TXLNB: variants seen among roughly 807,000 people sequenced by gnomAD.
The protein encoded by TXLNB is taxilin beta.
TXLNB carries 37 observed loss-of-function variants against 57.4 expected under a neutral mutation model. That is an observed-to-expected ratio of 0.64 (90% confidence interval 0.50 to 0.85). TXLNB has a LOEUF of 0.85. Among genes scored for constraint, TXLNB ranks in the 40% least tolerant of loss-of-function variants. The pLI is 0.00. For missense variants in TXLNB, 848 were observed against 825.6 expected (o/e 1.03, Z -0.33); for synonymous variants, 302 against 309.6 (o/e 0.98, Z 0.26).
At chr6:139,322,171 C>T in the TXLNB span, among the ~76,000 whole-genome samples, 6 of 152,168 alleles carry the variant, frequency 3.9e-5, no homozygotes, top group African/African-American at 1.4e-4. Context: ...TCGGCATTAT[C>T]ACTGCTGGGT....
chr6:139,314,244 G>C, the TXLNB span, among the ~76,000 whole-genome samples: 8 of 152,110 alleles, frequency 5.3e-5, no homozygotes, highest in Admixed American at 5.2e-4. Context: ...GGACCTTTTA[G>C]AGTCTGATAA....
the TXLNB span, among the ~76,000 whole-genome samples, chr6:139,213,447 A>G: frequency 1.3e-5 from 2 of 152,206 alleles, no homozygotes; most frequent in East Asian, 1.9e-4. Context: ...AAGACACAAC[A>G]TATCAAAATC....
At chr6:139,255,855 T>C (rs573608849) in intron 6 of TXLNB, among the ~76,000 whole-genome samples, 159 of 151,524 alleles carry the variant, frequency 1.0e-3, no homozygotes, top group Middle Eastern at 0.01. Flanking sequence ...GCTGGGAGGA[T>C]TGCTGGAAGC....
chr6:139,232,311 C>A, the TXLNB span, among the ~76,000 whole-genome samples: 1 of 152,204 alleles, frequency 6.6e-6, no homozygotes, highest in Non-Finnish European at 1.5e-5. Flanking sequence ...ATGGGAAAAA[C>A]TGCCCCCATG....
At chr6:139,314,142 T>C in the TXLNB span, among the ~76,000 whole-genome samples, 1 of 152,244 alleles carries the variant, frequency 6.6e-6, no homozygotes, top group Non-Finnish European at 1.5e-5. Flanking sequence ...CCTGCAAAGC[T>C]ATCTCTTGTG....
Position 139,245,182 on chromosome 6 carries a change from T to C in TXLNB, c.1171-492A>G, listed in dbSNP as rs554227491. On this transcript the variant is annotated intron_variant, in intron 8 of 9. Transcript: ENST00000358430. ...ATAGAGTGAGGTAGAGTTCACAAAA[T>C]GTGATTACATGCATTATTTGTTTCA... Among the ~76,000 whole-genome samples the C allele has an allele frequency of 3.3e-5, 5 of 152,324 alleles. No homozygotes were observed. The South Asian group carries it at 8.3e-4, about 25-fold the overall frequency.
the TXLNB span, among the ~76,000 whole-genome samples, chr6:139,202,228 T>C: frequency 9.8e-5 from 15 of 152,348 alleles, no homozygotes; most frequent in South Asian, 4.1e-4. Flanking sequence ...ATTTCAGTGA[T>C]GCAAATCATG....
chr6:139,231,522 C>T, the TXLNB span, among the ~76,000 whole-genome samples: 22 of 152,198 alleles, frequency 1.4e-4, 1 homozygote, highest in East Asian at 4.3e-3. Context: ...ATAAATCCTT[C>T]ATCTTTCCCT....
At chr6:139,166,397 A>G in the TXLNB span, 1 of 1,614,208 alleles carries the variant, frequency 6.2e-7, no homozygotes, top group East Asian at 2.2e-5. Context: ...CAGCACCTGG[A>G]TGCACCTGCA....
chr6:139,179,698 TCTA>T, the TXLNB span: 1 of 152,182 alleles, frequency 6.6e-6, no homozygotes, highest in Admixed American at 6.5e-5. Context: ...ATTTTGGAAA[TCTA>T]CTGACCTTAA....
chr6:139,300,090 A>T, the TXLNB span, among the ~76,000 whole-genome samples: 1 of 152,040 alleles, frequency 6.6e-6, no homozygotes, highest in Non-Finnish European at 1.5e-5. Context: ...CGTGAGTGTC[A>T]TGAAGCCCCT....
upstream of TXLNB, among the ~76,000 whole-genome samples, chr6:139,292,601 A>C (rs1239148040): frequency 6.6e-6 from 1 of 152,140 alleles, no homozygotes; most frequent in Non-Finnish European, 1.5e-5. The surrounding 1 kb of genome is among the most constrained non-coding windows in gnomAD (Gnocchi z 4.0). Context: ...AGCTGAACTG[A>C]GTATAATCTT....
the TXLNB span, among the ~76,000 whole-genome samples, chr6:139,227,683 T>C: frequency 6.6e-6 from 1 of 152,226 alleles, no homozygotes. Flanking sequence ...ATTCATACTA[T>C]AGATCACTAT....
the TXLNB span, among the ~76,000 whole-genome samples, chr6:139,234,736 CCCCCACACAGAGT>C: frequency 6.6e-6 from 1 of 152,226 alleles, no homozygotes; most frequent in African/African-American, 2.4e-5. Context: ...GGGGTCAGAG[CCCCCACACAGAGT>C]CCCCACTGAG....
At chr6:139,262,127 C>T (rs1030056632) in intron 5 of TXLNB, among the ~76,000 whole-genome samples, 7 of 151,800 alleles carry the variant, frequency 4.6e-5, no homozygotes, top group Non-Finnish European at 5.9e-5. Context: ...AGGCTGCTCT[C>T]GAACTCCTGA....
At chr6:139,210,774 C>T in the TXLNB span, among the ~76,000 whole-genome samples, 5 of 152,342 alleles carry the variant, frequency 3.3e-5, no homozygotes, top group South Asian at 8.3e-4. Flanking sequence ...AATCGGGTCA[C>T]TCCCACCCTA....
intron 6 of TXLNB, among the ~76,000 whole-genome samples, chr6:139,256,082 TA>T (rs1223394442): frequency 6.6e-6 from 1 of 151,886 alleles, no homozygotes; most frequent in Non-Finnish European, 1.5e-5. Context: ...ACTCCATTTC[TA>T]AAAAAATAAA....
the TXLNB span, among the ~76,000 whole-genome samples, chr6:139,317,069 G>T: frequency 6.6e-6 from 1 of 152,176 alleles, no homozygotes; most frequent in South Asian, 2.1e-4. Flanking sequence ...AGCAGAAAGT[G>T]GAAGCTAAGA....
At chr6:139,257,068 G>T (rs1285677861) in intron 6 of TXLNB, among the ~76,000 whole-genome samples, 1 of 152,110 alleles carries the variant, frequency 6.6e-6, no homozygotes, top group Non-Finnish European at 1.5e-5. Flanking sequence ...TTTGAGGTAG[G>T]GCTGTGGTCT....
Sources: gnomAD v4.1 joint callset for allele counts (sites outside exome capture counted in the v4.1 genomes callset) on GRCh38, gnomAD v4.1.1 for gene constraint, Gnocchi (gnomAD v3.1) non-coding constraint, MANE v1.5 for transcripts, NCBI Gene and HGNC (gene_info 2026-07-23, HGNC 2026-07-21) for gene names.